RNF115: variants seen among roughly 807,000 people sequenced by gnomAD.
The protein encoded by RNF115 is E3 ubiquitin-protein ligase RNF115.
Under a neutral mutation model 39.2 loss-of-function variants are expected in RNF115, and 31 were observed. The ratio of observed to expected loss-of-function variants is 0.79; its 90% CI spans 0.59 to 1.07. The LOEUF (loss-of-function observed/expected upper bound fraction) is 1.07. Among genes scored for constraint, RNF115 ranks in the 50% least tolerant of loss-of-function variants. The probability of loss-of-function intolerance (pLI) is 0.00; values close to 1 mark genes in which losing one functional copy is unlikely to be tolerated. For synonymous variants in RNF115, 124 were observed against 131.0 expected (o/e 0.95, Z 0.37); for missense variants, 384 against 381.7 (o/e 1.01, Z -0.05).
chr1:145,820,470 T>A (rs1193723521), intron 1 of RNF115, among the ~76,000 whole-genome samples: 1 of 150,294 alleles, frequency 6.7e-6, no homozygotes, highest in African/African-American at 2.4e-5. Context: ...CCGGGTGCAG[T>A]GGCTCACACC....
At chr1:145,780,307 T>C (rs1313830013) in intron 3 of RNF115, among the ~76,000 whole-genome samples, 1 of 151,684 alleles carries the variant, frequency 6.6e-6, no homozygotes, top group Non-Finnish European at 1.5e-5. Context: ...AGGAAATGTA[T>C]GGAAAAGGGA....
At chr1:145,815,576 C>T (rs1306235156) in intron 1 of RNF115, among the ~76,000 whole-genome samples, 3 of 152,168 alleles carry the variant, frequency 2.0e-5, no homozygotes, top group Non-Finnish European at 4.4e-5. Context: ...TGACACAGCC[C>T]TCTGTGGTGT....
At position 145,771,726 on chromosome 1, in the gene RNF115, G is replaced by T. The variant is rs782689724; in HGVS notation, c.413C>A (p.Ser138Tyr). Residue 138 changes from serine to tyrosine, a missense_variant, in exon 4 of 9, where the codon TCT (serine) becomes TAT (tyrosine). Ser to Tyr is a moderately radical substitution (Grantham distance 144). Coordinates refer to ENST00000582693, the MANE Select transcript of RNF115 (RefSeq NM_014455.4). ...AACAACTCACCCTTCAATAGCTGGA[G>T]ATCTGTCAGGACGAGAACTTCCTCG... is the stretch of plus-strand genomic sequence containing the variant. ...RSRGSSRPDR[S>Y]PAIEGILQHI... 6.2e-7 allele frequency: 1 copy of T among 1,613,720 alleles called. No individual in the cohort carries two copies. Among genetic ancestry groups the T allele is most frequent in the Non-Finnish European group, 8.5e-7 (1 of 1,179,754 alleles).
intron 4 of RNF115, among the ~76,000 whole-genome samples, chr1:145,764,858 C>A (rs1295219695): frequency 2.6e-5 from 4 of 151,258 alleles, no homozygotes; most frequent in Admixed American, 1.3e-4. Context: ...GTGCCTCTGC[C>A]CGGCCGCCCC....
intron 6 of RNF115, 93 bp from the exon 7 acceptor site, chr1:145,750,593 A>G (rs1279595186): frequency 3.3e-6 from 3 of 918,096 alleles, no homozygotes; most frequent in Non-Finnish European, 3.5e-6. Context: ...CAGTGCAGAC[A>G]TTAGGTATGT....
At chr1:145,765,321 C>T (rs1013756172) in intron 4 of RNF115, among the ~76,000 whole-genome samples, 17 of 152,060 alleles carry the variant, frequency 1.1e-4, no homozygotes, top group Non-Finnish European at 2.4e-4. Flanking sequence ...AAACCAGAGA[C>T]CTTTGTTCAC....
intron 8 of RNF115, 149 bp from the exon 9 acceptor site, chr1:145,747,146 C>T: frequency 3.8e-6 from 3 of 786,110 alleles, no homozygotes; most frequent in Middle Eastern, 3.7e-4. Context: ...AGAGCATGCA[C>T]TGGCTCTAAG....
In RNF115 at chr1:145,823,752, A is replaced by G. The variant is rs1553724879; in HGVS notation, c.102+20T>C. 6.5e-7 allele frequency: 1 copy of G among 1,527,148 alleles called. No homozygotes were observed. Among genetic ancestry groups the G allele is most frequent in the Admixed American group, 1.9e-5 (1 of 52,858 alleles). The allele number at this position is 1,527,148 out of a possible 1,614,324, so 94.6% of individuals were successfully genotyped here. ...AGGAATCTATGAGGTTCCCAAGTATAGAGAACACAGCGCTCTTACCGGTAG... is the reference window on the plus strand; with the variant it reads ...AGGAATCTATGAGGTTCCCAAGTATGGAGAACACAGCGCTCTTACCGGTAG... On this transcript the variant is annotated intron_variant, in intron 1 of 8. Transcript: ENST00000582693.
At chr1:145,775,614 C>T (rs1158250219) in intron 3 of RNF115, among the ~76,000 whole-genome samples, 1 of 152,002 alleles carries the variant, frequency 6.6e-6, no homozygotes, top group Non-Finnish European at 1.5e-5. Context: ...TGGCTGGTCT[C>T]AAACATCTGG....
chr1:145,763,711 CA>C, intron 4 of RNF115, among the ~76,000 whole-genome samples: 1 of 151,888 alleles, frequency 6.6e-6, no homozygotes, highest in Non-Finnish European at 1.5e-5. Context: ...AAAAACAAAA[CA>C]AAACAAAAAC....
At chr1:145,774,144 G>C (rs1355232217) in intron 3 of RNF115, among the ~76,000 whole-genome samples, 1 of 152,044 alleles carries the variant, frequency 6.6e-6, no homozygotes, top group Non-Finnish European at 1.5e-5. Context: ...TTCTGCAGAG[G>C]GATGACCCAC....
At chr1:145,812,678 A>C (rs1209197489) in intron 1 of RNF115, among the ~76,000 whole-genome samples, 2 of 151,266 alleles carry the variant, frequency 1.3e-5, no homozygotes, top group Non-Finnish European at 3.0e-5. Flanking sequence ...AAACCAAAAA[A>C]CAAAATCTAA....
At chr1:145,774,403 G>A (rs1647785711) in intron 3 of RNF115, among the ~76,000 whole-genome samples, 1 of 151,110 alleles carries the variant, frequency 6.6e-6, no homozygotes, top group South Asian at 2.1e-4. Context: ...AGGCTGGGGT[G>A]CAGTGGCACG....
rs1267247901 is a variant in RNF115, at chr1:145,753,109, T to A, written c.429-60A>T. On this transcript the variant is annotated intron_variant, in intron 4 of 8. Coordinates refer to ENST00000582693, the MANE Select transcript of RNF115 (RefSeq NM_014455.4). ...ACTAATGAAAAGTACTCTACAGATA[T>A]CCATGGCTGCCTAATCACCAACTAA... 23 of 1,137,154 alleles carry A rather than the reference T, an allele frequency of 2.0e-5. No homozygotes were observed. In the South Asian group the frequency reaches 2.6e-4, roughly 13 times the overall value. The allele number at this position is 1,137,154 out of a possible 1,614,324, so 70.4% of individuals were successfully genotyped here.
intron 4 of RNF115, 137 bp downstream of exon 4, chr1:145,771,574 C>G: frequency 1.5e-6 from 1 of 673,080 alleles, no homozygotes; most frequent in Non-Finnish European, 2.5e-6. Context: ...TTCAATTTAG[C>G]TTCACTTTCA....
chr1:145,751,613 G>A (rs782548291), intron 5 of RNF115, 103 bp from the exon 6 acceptor site: 246 of 658,548 alleles, frequency 3.7e-4, no homozygotes, highest in Non-Finnish European at 5.0e-4. Flanking sequence ...CTCAGAGCTG[G>A]AAAGTCACTA....
chr1:145,812,442 G>T (rs1271867584), intron 1 of RNF115, among the ~76,000 whole-genome samples: 19 of 150,902 alleles, frequency 1.3e-4, no homozygotes, highest in African/African-American at 4.4e-4. Context: ...CGCATCACTT[G>T]CAAGGTCAGG....
At chr1:145,807,962 C>T (rs1190613010) in intron 1 of RNF115, among the ~76,000 whole-genome samples, 2 of 152,122 alleles carry the variant, frequency 1.3e-5, no homozygotes, top group Non-Finnish European at 2.9e-5. Context: ...CTGTGCCTGG[C>T]TTATCTCACT....
chr1:145,761,012 A>C (rs1231805284), intron 4 of RNF115, among the ~76,000 whole-genome samples: 1 of 152,236 alleles, frequency 6.6e-6, no homozygotes, highest in African/African-American at 2.4e-5. Context: ...ATGTTTTAAC[A>C]AAGAGACTGG....
Sources: allele counts gnomAD v4.1 joint callset (sites outside exome capture counted in the v4.1 genomes callset), GRCh38; gene constraint gnomAD v4.1.1; transcripts MANE v1.5; gene names NCBI Gene and HGNC (gene_info 2026-07-23, HGNC 2026-07-21).